Variants in PALM2AKAP2 observed in about 807,000 individuals in gnomAD.
The protein encoded by PALM2AKAP2 is PALM2 and AKAP2 fusion, also known as PALM2-AKAP2 fusion protein.
A neutral mutation model predicts 71.5 loss-of-function variants in PALM2AKAP2; 37 were observed. The observed-to-expected ratio is 0.52, with a 90% CI of 0.40 to 0.68. The LOEUF is 0.68. PALM2AKAP2 is among the 30% of genes least tolerant of loss of function. The pLI, the probability that PALM2AKAP2 is intolerant of heterozygous loss-of-function variation, is 0.00. For missense variants in PALM2AKAP2, 1,224 were observed against 1,191.8 expected, an observed-to-expected ratio of 1.03 and a Z score of -0.40; for synonymous variants, 468 against 478.8, an observed-to-expected ratio of 0.98 and a Z score of 0.29.
At chr9:110,125,094 C>T (rs1281013372) in intron 1 of PALM2AKAP2, among the ~76,000 whole-genome samples, 2 of 152,156 alleles carry the variant, frequency 1.3e-5, no homozygotes, top group African/African-American at 4.8e-5. Context: ...TGCATGTACA[C>T]ACGCACAAGC....
At chr9:109,780,361 C>A, upstream of PALM2AKAP2, 1 of 1,576,316 alleles carries the variant, frequency 6.3e-7, no homozygotes, top group Non-Finnish European at 8.6e-7. Flanking sequence ...TGGAGCGGAT[C>A]CCCAGCCGTC....
chr9:109,807,820 G>A (rs1336837707), intron 1 of PALM2AKAP2, among the ~76,000 whole-genome samples: 1 of 152,146 alleles, frequency 6.6e-6, no homozygotes, highest in African/African-American at 2.4e-5. Context: ...AGGACTATGT[G>A]GGAGATGACT....
At chr9:109,912,924 A>G (rs1830604889) in intron 3 of PALM2AKAP2, among the ~76,000 whole-genome samples, 1 of 152,248 alleles carries the variant, frequency 6.6e-6, no homozygotes, top group African/African-American at 2.4e-5. Context: ...CTCTCAAGAC[A>G]AAGATCTTTG....
At chr9:109,948,736 A>T (rs1052468367) in intron 6 of PALM2AKAP2, among the ~76,000 whole-genome samples, 1 of 152,216 alleles carries the variant, frequency 6.6e-6, no homozygotes, top group African/African-American at 2.4e-5. Context: ...CCTAGACTTC[A>T]GACAGTCCTT....
At chr9:110,046,891 A>G (rs966812559), upstream of PALM2AKAP2, among the ~76,000 whole-genome samples, 7 of 152,148 alleles carry the variant, frequency 4.6e-5, no homozygotes, top group East Asian at 3.9e-4. Flanking sequence ...AACATCTCAC[A>G]TCTGATGTAA....
intron 1 of PALM2AKAP2, among the ~76,000 whole-genome samples, chr9:110,111,696 GTTTATT>G (rs56380577): frequency 5.3e-5 from 8 of 151,338 alleles, no homozygotes; most frequent in Non-Finnish European, 7.4e-5. Flanking sequence ...AGGGCTACAT[GTTTATT>G]TTTATTTTTA....
chr9:109,692,852 A>T (rs73529140), intron 1 of PALM2AKAP2, among the ~76,000 whole-genome samples: 2 of 151,828 alleles, frequency 1.3e-5, no homozygotes, highest in African/African-American at 4.8e-5. Flanking sequence ...AAAATTTAAA[A>T]GTTTTGCATC....
chr9:110,162,196 T>C, intron 3 of PALM2AKAP2, 64 bp downstream of exon 10: 7 of 1,599,430 alleles, frequency 4.4e-6, no homozygotes, highest in Non-Finnish European at 6.0e-6. Flanking sequence ...GCTGTTGTGG[T>C]TTGCCATTTC....
intron 6 of PALM2AKAP2, among the ~76,000 whole-genome samples, chr9:110,000,186 C>T (rs556461156): frequency 6.0e-5 from 9 of 148,886 alleles, no homozygotes; most frequent in South Asian, 2.2e-4. Context: ...AACAGGCCCC[C>T]GGTGTGTGAT....
At chr9:109,953,876 A>G (rs1362138580) in intron 6 of PALM2AKAP2, among the ~76,000 whole-genome samples, 3 of 151,212 alleles carry the variant, frequency 2.0e-5, no homozygotes, top group Admixed American at 2.0e-4. Flanking sequence ...TAGTGTGGAG[A>G]TGCCCCTGAG....
chr9:110,144,936 ACTCAGGCT>A (rs1356627318), intron 2 of PALM2AKAP2, among the ~76,000 whole-genome samples: 2 of 152,130 alleles, frequency 1.3e-5, no homozygotes, highest in African/African-American at 4.8e-5. Flanking sequence ...CTGGTTTCAA[ACTCAGGCT>A]CTCATTTGTC....
At chr9:109,898,370 AGGAAGCAGC>A (rs1401233995) in intron 3 of PALM2AKAP2, among the ~76,000 whole-genome samples, 5 of 152,260 alleles carry the variant, frequency 3.3e-5, no homozygotes, top group African/African-American at 4.8e-5. Flanking sequence ...TTTACAGATA[AGGAAGCAGC>A]TCTCAAAAGA....
chr9:109,845,916 G>A (rs777771794), intron 1 of PALM2AKAP2, among the ~76,000 whole-genome samples: 1 of 152,170 alleles, frequency 6.6e-6, no homozygotes, highest in African/African-American at 2.4e-5. Context: ...AAAGGATATA[G>A]AGCAGGACAA....
intron 3 of PALM2AKAP2, among the ~76,000 whole-genome samples, chr9:109,891,832 G>A (rs1398373896): frequency 2.0e-5 from 3 of 152,158 alleles, no homozygotes; most frequent in African/African-American, 7.2e-5. Flanking sequence ...CTCCCATGAT[G>A]GATGTTATGA....
chr9:109,851,285 T>A (rs1829010162), intron 1 of PALM2AKAP2, among the ~76,000 whole-genome samples: 1 of 151,928 alleles, frequency 6.6e-6, no homozygotes, highest in South Asian at 2.1e-4. Flanking sequence ...TCTCTGAAGG[T>A]GAGGCCTGGG....
chr9:110,122,042 A>C (rs1835498157), intron 1 of PALM2AKAP2, among the ~76,000 whole-genome samples: 2 of 152,240 alleles, frequency 1.3e-5, no homozygotes, highest in Non-Finnish European at 2.9e-5. Context: ...ACGCTTTCAA[A>C]GTCGTCTCTT....
intron 1 of PALM2AKAP2, among the ~76,000 whole-genome samples, chr9:109,713,551 G>A (rs367977662): frequency 6.6e-6 from 1 of 152,044 alleles, no homozygotes; most frequent in Non-Finnish European, 1.5e-5. Context: ...AAGAATAAAG[G>A]CAAATCAAGT....
chr9:109,997,902 T>TA (rs1290129440), intron 6 of PALM2AKAP2, among the ~76,000 whole-genome samples: 4 of 152,206 alleles, frequency 2.6e-5, no homozygotes, highest in African/African-American at 9.6e-5. Flanking sequence ...TGGGGCTTCC[T>TA]AAAGCCAAGT....
At chr9:109,736,521 C>A (rs764156305) in intron 1 of PALM2AKAP2, among the ~76,000 whole-genome samples, 1 of 152,086 alleles carries the variant, frequency 6.6e-6, no homozygotes, top group Non-Finnish European at 1.5e-5. Flanking sequence ...GACGTAGAGC[C>A]ATTTTTGCTT....
Sources: allele counts gnomAD v4.1 joint callset (sites outside exome capture counted in the v4.1 genomes callset), GRCh38; gene constraint gnomAD v4.1.1; transcripts MANE v1.5; gene names NCBI Gene and HGNC (gene_info 2026-07-23, HGNC 2026-07-21).